Variants in PCSK7 observed in about 807,000 individuals in gnomAD.
The protein encoded by PCSK7 is proprotein convertase subtilisin/kexin type 7.
PCSK7 carries 38 observed loss-of-function variants against 73.3 expected under a neutral mutation model. The observed-to-expected ratio is 0.52, with a 90% confidence interval of 0.40 to 0.68. The LOEUF (loss-of-function observed/expected upper bound fraction) is 0.68. PCSK7 is among the 30% of genes least tolerant of loss of function. The pLI is 0.00. For synonymous variants in PCSK7, 296 were observed against 383.8 expected (o/e 0.77, Z 2.68); for missense variants, 692 against 991.5 (o/e 0.70, Z 4.06).
rs2031255708 is a variant in PCSK7, at chr11:117,204,537, G to A, written c.*1460C>T. Reference sequence around the variant, plus strand: ...GCTCCTCCCTGTGCCCCCAGCCTCAGCCCAACTTCTTACCCGAAAGCATCA... The same window carrying A: ...GCTCCTCCCTGTGCCCCCAGCCTCAACCCAACTTCTTACCCGAAAGCATCA... On this transcript the variant is annotated 3_prime_UTR_variant, in exon 17 of 17. Coordinates refer to ENST00000320934, the MANE Select transcript of PCSK7 (RefSeq NM_004716.4). 17 of 956,982 alleles carry A rather than the reference G, an allele frequency of 1.8e-5. No individual in the cohort carries two copies. The South Asian group carries it at 2.4e-4, about 13-fold the overall frequency. The allele number at this position is 956,982 out of a possible 1,614,324, so 59.3% of individuals were successfully genotyped here.
At chr11:117,224,351 A>G in intron 7 of PCSK7, 135 bp from the exon 8 acceptor site, 1 of 848,870 alleles carries the variant, frequency 1.2e-6, no homozygotes, top group Admixed American at 2.6e-5. Context: ...TGGGGGAAAG[A>G]TTGGAAGATG....
chr11:117,223,234 C>T lies in PCSK7; in HGVS notation c.1129G>A (p.Gly377Ser). ...ATGCTCCGAAGCATCTTGTCCCCAC[C>T]ACTGAAGGTGACTGCCAGCATGGAG... ...CASMLAVTFSGGDKMLRSIVT... is the reference protein window; with the variant it reads ...CASMLAVTFSSGDKMLRSIVT... Residue 377 changes from glycine to serine, a missense_variant, in exon 9 of 17, where the codon GGT becomes AGT. Around this residue, in one of 6 missense-constraint regions of PCSK7, gnomAD observed 574 missense variants for 689.8 expected, o/e 0.83. Transcript: ENST00000320934. 1 of 1,613,224 alleles carries T rather than the reference C, an allele frequency of 6.2e-7. No homozygotes were observed. The highest frequency in any genetic ancestry group is 8.5e-7 in the Non-Finnish European group (1 of 1,179,214).
chr11:117,226,764 A>C (rs1010809206), intron 5 of PCSK7: 1 of 175,326 alleles, frequency 5.7e-6, no homozygotes, highest in Non-Finnish European at 1.2e-5. Context: ...CCACAGAACC[A>C]CCTCCAGGGA....
chr11:117,208,670 G>A, intron 13 of PCSK7: 1 of 374,590 alleles, frequency 2.7e-6, no homozygotes, highest in South Asian at 6.5e-5. Context: ...TTTGTAAAAG[G>A]AGGTTACAAA....
chr11:117,223,369 G>T, intron 8 of PCSK7, 61 bp from the exon 9 acceptor site: 2 of 1,001,230 alleles, frequency 2.0e-6, no homozygotes, highest in Non-Finnish European at 3.2e-6. Flanking sequence ...GCAGGGGCTT[G>T]CTAATGTCAG....
At chr11:117,217,477 C>G (rs1239594811) in intron 12 of PCSK7, 1 of 152,250 alleles carries the variant, frequency 6.6e-6, no homozygotes, top group South Asian at 2.1e-4. Flanking sequence ...AATGCAGTGA[C>G]TGGCCCAGGG....
At chr11:117,226,171 T>G in intron 5 of PCSK7, 150 bp from the exon 6 acceptor site, 1 of 616,298 alleles carries the variant, frequency 1.6e-6, no homozygotes. Flanking sequence ...AAAGTCTTAC[T>G]TGTCACCCAG....
At position 117,219,626 on chromosome 11, in the gene PCSK7, C is replaced by A; in HGVS notation, c.1288G>T (p.Asp430Tyr). ...LQVRPCLTWR[D>Y]VQHIIVFTAT... ...GTGAAGACAATGATGTGCTGGACGT[C>A]ACGCCACGTGAGGCAGGGCCGCACC... The change falls in exon 10 of 17, where the codon GAC (aspartate) becomes TAC (tyrosine). Residue 430 changes from aspartate to tyrosine, a missense_variant. This residue lies in a region of PCSK7 where 574 missense variants were observed against 689.8 expected (regional missense o/e 0.83). Transcript: ENST00000320934. 6.2e-7 allele frequency: 1 copy of A among 1,612,750 alleles called. No individual in the cohort carries two copies. Among genetic ancestry groups the A allele is most frequent in the South Asian group, 1.1e-5 (1 of 90,868 alleles).
intron 9 of PCSK7, chr11:117,221,299 C>T (rs181330920): frequency 2.0e-5 from 3 of 152,352 alleles, no homozygotes; most frequent in Admixed American, 1.3e-4. Context: ...AAGTGGTTGT[C>T]TCAATGAGAG....
intron 8 of PCSK7, 95 bp from the exon 9 acceptor site, chr11:117,223,403 G>C (rs574645695): frequency 3.9e-6 from 3 of 775,284 alleles, no homozygotes; most frequent in Non-Finnish European, 6.8e-6. Flanking sequence ...ACCATCCTGG[G>C]GGGCTGTCCT....
rs2031258646 is a variant in PCSK7 at position 117,204,594 on chromosome 11, A to C, written c.*1403T>G. 3.1e-6 allele frequency: 2 copies of C among 641,444 alleles called. No individual in the cohort carries two copies. The highest frequency in any genetic ancestry group is 2.8e-6 in the Non-Finnish European group (1 of 356,366). 39.7% of individuals were successfully genotyped at this position (641,444 alleles called of 1,614,324 possible). A position where few individuals can be genotyped will look rare whatever the true frequency, so the allele number is the denominator to read the frequency against. On this transcript the variant is annotated 3_prime_UTR_variant, in exon 17 of 17. Coordinates refer to ENST00000320934, the MANE Select transcript of PCSK7 (RefSeq NM_004716.4). ...TGGCCCCTCCCTCCCGGCTGCCCCC[A>C]TCACCTCTACTGTCTCCTCCCTGGG...
intron 9 of PCSK7, chr11:117,221,589 C>T (rs1441529228): frequency 6.6e-6 from 1 of 152,258 alleles, no homozygotes; most frequent in Admixed American, 6.5e-5. Context: ...ATAGCAAGGA[C>T]ATTCCAAAGA....
In PCSK7 at chr11:117,219,766, T is replaced by C; in HGVS notation, c.1156-8A>G. On this transcript the variant is annotated splice_polypyrimidine_tract_variant and splice_region_variant and intron_variant, in intron 9 of 16. Coordinates refer to ENST00000320934, the MANE Select transcript of PCSK7 (RefSeq NM_004716.4). ...GTCCCAGTCAGTGGTCACCTGGAAGTGAAACAGGAAAAGGAAGTAGGTTAG... is the reference window on the plus strand; with the variant it reads ...GTCCCAGTCAGTGGTCACCTGGAAGCGAAACAGGAAAAGGAAGTAGGTTAG... 6.4e-7 allele frequency: 1 copy of C among 1,567,754 alleles called. No individual in the cohort carries two copies. Among genetic ancestry groups the C allele is most frequent in the East Asian group, 2.3e-5 (1 of 43,372 alleles).
At chr11:117,230,843 G>A (rs780029522) in intron 1 of PCSK7, among the ~76,000 whole-genome samples, 4 of 152,132 alleles carry the variant, frequency 2.6e-5, no homozygotes, top group Non-Finnish European at 5.9e-5. Context: ...GGCGGCGGGG[G>A]CGAAACGGGG....
rs1390781357 is a variant in PCSK7, at chr11:117,230,108, G to A, written c.-13+241C>T. 6.7e-5 allele frequency: 29 copies of A among 435,266 alleles called. 1 individual carries two copies. The highest frequency in any genetic ancestry group is 5.5e-4 in the East Asian group (15 of 27,324). The allele number at this position is 435,266 out of a possible 1,614,324, so 27.0% of individuals were successfully genotyped here. A position where few individuals can be genotyped will look rare whatever the true frequency, so the allele number is the denominator to read the frequency against. On this transcript the variant is annotated intron_variant, in intron 2 of 16. Transcript: ENST00000320934. ...CCACAGCAAGACAGCCAATCCTCAC[G>A]ACACCAGCTAATCCAGCAGGAGGTC...
rs2031247258 is a variant in PCSK7 at position 117,204,392 on chromosome 11, C to G, written c.*1605G>C. On this transcript the variant is annotated 3_prime_UTR_variant, in exon 17 of 17. Transcript: ENST00000320934. Reference sequence around the variant, plus strand: ...AGGGCTAGCCCTGAGCCCGGCCCTCCCCCAGCTCCTTGGCTGCAGCCATCC... The same window carrying G: ...AGGGCTAGCCCTGAGCCCGGCCCTCGCCCAGCTCCTTGGCTGCAGCCATCC... 6.2e-7 allele frequency: 1 copy of G among 1,614,110 alleles called. No homozygotes were observed. The highest frequency in any genetic ancestry group is 8.5e-7 in the Non-Finnish European group (1 of 1,179,964).
chr11:117,218,777 C>T lies in PCSK7; in HGVS notation c.1432-209G>A. The T allele has an allele frequency of 3.5e-6, 2 of 567,994 alleles. No homozygotes were observed. Among genetic ancestry groups the T allele is most frequent in the Non-Finnish European group, 6.3e-6 (2 of 318,600 alleles). The allele number at this position is 567,994 out of a possible 1,614,324, so 35.2% of individuals were successfully genotyped here. On this transcript the variant is annotated intron_variant, in intron 11 of 16. Transcript: ENST00000320934. The surrounding 1 kb of genome is among the most constrained non-coding windows in gnomAD (Gnocchi z 4.0). ...CCAGCTAAGGAACCAGAGGAAACAG[C>T]TGTGTCCAGGGTGGAGGAGGGGAAC...
rs1418320317 is a variant in PCSK7, at chr11:117,225,851, G to A, written c.860+80C>T. The A allele has an allele frequency of 4.6e-6, 4 of 877,708 alleles. No individual in the cohort carries two copies. In the Admixed American group the frequency reaches 5.3e-5, roughly 12 times the overall value. The allele number at this position is 877,708 out of a possible 1,614,324, so 54.4% of individuals were successfully genotyped here. A position where few individuals can be genotyped will look rare whatever the true frequency, so the allele number is the denominator to read the frequency against. On this transcript the variant is annotated intron_variant, in intron 6 of 16. Transcript: ENST00000320934. ...GAGACCCCTGCTCCGGCCTAAGTCAGCCCACTGGTTGGGATTTTGTTGGCG... is the reference window on the plus strand; with the variant it reads ...GAGACCCCTGCTCCGGCCTAAGTCAACCCACTGGTTGGGATTTTGTTGGCG...
chr11:117,224,650 C>A, intron 7 of PCSK7, 51 bp downstream of exon 7: 1 of 1,411,262 alleles, frequency 7.1e-7, no homozygotes, highest in Admixed American at 1.7e-5. Flanking sequence ...TCTCCCGGGA[C>A]TGTATGAAGA....
Sources: allele counts gnomAD v4.1 joint callset (sites outside exome capture counted in the v4.1 genomes callset), GRCh38; gene constraint gnomAD v4.1.1; regional missense constraint gnomAD v4.1.1; non-coding constraint Gnocchi (gnomAD v3.1); transcripts MANE v1.5; gene names NCBI Gene and HGNC (gene_info 2026-07-23, HGNC 2026-07-21).